OSBPL3: variants seen among roughly 807,000 people sequenced by gnomAD.
The protein encoded by OSBPL3 is oxysterol-binding protein-related protein 3.
Under a neutral mutation model 120.1 loss-of-function variants are expected in OSBPL3, and 65 were observed. The observed-to-expected ratio is 0.54, with a 90% CI of 0.44 to 0.67. The LOEUF (loss-of-function observed/expected upper bound fraction) is 0.67. Ranked by LOEUF, OSBPL3 falls within the 30% of genes least tolerant of loss-of-function variation. OSBPL3 has a pLI of 0.00. For synonymous variants in OSBPL3, 416 were observed against 402.6 expected (o/e 1.03, Z -0.40); for missense variants, 1,004 against 1,082.1 (o/e 0.93, Z 1.01).
chr7:24,877,216 T>C lies in OSBPL3; in HGVS notation c.97-5147A>G, dbSNP rs1382783439. On this transcript the variant is annotated intron_variant, in intron 2 of 22. Coordinates refer to ENST00000313367, the MANE Select transcript of OSBPL3 (RefSeq NM_015550.4). This position sits in a 1 kb window ranked among gnomAD's most constrained non-coding sequence, Gnocchi z 4.8. The stretch of plus-strand genomic sequence containing the variant: ...GAGTAAATCCCATTGGGTAGAGGAA[T>C]AGTGGTGGGCCAAGACCTTGAGACA... Among the ~76,000 whole-genome samples, 2 of 152,148 alleles carry C rather than the reference T, an allele frequency of 1.3e-5. No individual in the cohort carries two copies. The highest frequency in any genetic ancestry group is 4.8e-5 in the African/African-American group (2 of 41,436).
rs1399373626 is a variant in OSBPL3 at position 24,849,531 on chromosome 7, CTT to C, written c.1159-357_1159-356del. Among the ~76,000 whole-genome samples the C allele has an allele frequency of 6.6e-6, 1 of 152,208 alleles. No individual in the cohort carries two copies. The highest frequency in any genetic ancestry group is 1.5e-5 in the Non-Finnish European group (1 of 68,030). On this transcript the variant is annotated intron_variant, in intron 11 of 22. Transcript: ENST00000313367. The surrounding 1 kb of genome is among the most constrained non-coding windows in gnomAD (Gnocchi z 5.4). ...CCTCCTCCCCAACTGTCTGGAGTCTCTTTGGCCAAATCCCTTCCTAAGGAATC... is the reference window on the plus strand; with the variant it reads ...CCTCCTCCCCAACTGTCTGGAGTCTCTGGCCAAATCCCTTCCTAAGGAATC...
chr7:24,818,205 T>G lies in OSBPL3; in HGVS notation c.1949-1517A>C, dbSNP rs574773057. On this transcript the variant is annotated intron_variant, in intron 17 of 22. Transcript: ENST00000313367. The surrounding 1 kb of genome is among the most constrained non-coding windows in gnomAD (Gnocchi z 4.0). ...CTAAAGAGGATTCTTTTTGGAGTGA[T>G]GAAAATGTTCTAAAATTAACTGTGC... is the stretch of plus-strand genomic sequence containing the variant. 1.7e-4 allele frequency among the ~76,000 whole-genome samples: 26 copies of G among 152,338 alleles called. No homozygotes were observed. The East Asian group carries it at 4.8e-3, about 28-fold the overall frequency.
intron 12 of OSBPL3, among the ~76,000 whole-genome samples, chr7:24,848,808 G>A (rs926626658): frequency 2.6e-5 from 4 of 152,216 alleles, no homozygotes; most frequent in Admixed American, 1.3e-4. Context: ...TGACATTTAG[G>A]AGCGAAACAG....
At chr7:24,840,443 T>C (rs1797604154) in intron 14 of OSBPL3, among the ~76,000 whole-genome samples, 1 of 152,160 alleles carries the variant, frequency 6.6e-6, no homozygotes, top group Non-Finnish European at 1.5e-5. Flanking sequence ...ATTTTTTTAA[T>C]AAAATTTTCT....
chr7:24,957,843 T>G (rs138900348), intron 1 of OSBPL3, among the ~76,000 whole-genome samples: 2 of 152,326 alleles, frequency 1.3e-5, no homozygotes, highest in Admixed American at 1.3e-4. Context: ...ATTCTGTACT[T>G]GTTTTATCAG....
chr7:24,912,551 T>A lies in OSBPL3; in HGVS notation c.-149-19930A>T, dbSNP rs1309680027. ...TATGCAAAAGGCAACTCTCCCATCC[T>A]CACACCCAAAGACAGAACAGCCCCA... On this transcript the variant is annotated intron_variant, in intron 1 of 22. Transcript: ENST00000313367. The surrounding 1 kb of genome is among the most constrained non-coding windows in gnomAD (Gnocchi z 4.5). 6.6e-6 allele frequency among the ~76,000 whole-genome samples: 1 copy of A among 152,132 alleles called. No individual in the cohort carries two copies. The highest frequency in any genetic ancestry group is 1.5e-5 in the Non-Finnish European group (1 of 68,026).
intron 2 of OSBPL3, among the ~76,000 whole-genome samples, chr7:24,874,070 T>G (rs547349796): frequency 1.3e-5 from 2 of 151,586 alleles, no homozygotes; most frequent in African/African-American, 4.9e-5. Flanking sequence ...GTGCTGTGAA[T>G]AGTATGCATC....
At chr7:24,811,391 CTCTAT>C (rs1301853823) in intron 19 of OSBPL3, among the ~76,000 whole-genome samples, 3 of 152,076 alleles carry the variant, frequency 2.0e-5, no homozygotes, top group Non-Finnish European at 4.4e-5. Flanking sequence ...CTATTGAACT[CTCTAT>C]TCATTTTTTA....
At chr7:24,885,227 CAA>C (rs59823834) in intron 2 of OSBPL3, among the ~76,000 whole-genome samples, 151 of 112,136 alleles carry the variant, frequency 1.3e-3, no homozygotes, top group African/African-American at 3.8e-3. Context: ...GTCTCAAAAA[CAA>C]AAAAAAAAAA....
In OSBPL3 at chr7:24,798,488, C is replaced by T. The variant is rs1396534162; in HGVS notation, c.*1695G>A. 6.6e-6 allele frequency: 1 copy of T among 152,212 alleles called. No individual in the cohort carries two copies. Among genetic ancestry groups the T allele is most frequent in the East Asian group, 1.9e-4 (1 of 5,200 alleles). 9.4% of individuals were successfully genotyped at this position (152,212 alleles called of 1,614,324 possible). A position where few individuals can be genotyped will look rare whatever the true frequency, so the allele number is the denominator to read the frequency against. ...CAAAGAATCTGACTGTGTCATTCAACTGCTTAGAAATGGAAATGATATTCA... is the reference window on the plus strand; with the variant it reads ...CAAAGAATCTGACTGTGTCATTCAATTGCTTAGAAATGGAAATGATATTCA... On this transcript the variant is annotated 3_prime_UTR_variant, in exon 23 of 23. Transcript: ENST00000313367. The surrounding 1 kb of genome is among the most constrained non-coding windows in gnomAD (Gnocchi z 4.6).
rs138088641 is a variant in OSBPL3, at chr7:24,971,491, A to G, written c.-150+8395T>C. ...CTGGCCATGACACATCTCGCAGCAG[A>G]CTCTCCATGACCCTCCCACACCCAG... On this transcript the variant is annotated intron_variant, in intron 1 of 22. Coordinates refer to ENST00000313367, the MANE Select transcript of OSBPL3 (RefSeq NM_015550.4). Among the ~76,000 whole-genome samples, 12 of 152,144 alleles carry G rather than the reference A, an allele frequency of 7.9e-5. No homozygotes were observed. The East Asian group carries it at 2.1e-3, about 27-fold the overall frequency.
chr7:24,970,058 C>A (rs1474355615), intron 1 of OSBPL3, among the ~76,000 whole-genome samples: 1 of 151,776 alleles, frequency 6.6e-6, no homozygotes, highest in African/African-American at 2.4e-5. Flanking sequence ...AGCTAACCTA[C>A]CACTTCTGCC....
chr7:24,950,563 A>C (rs1414133731), intron 1 of OSBPL3, among the ~76,000 whole-genome samples: 1 of 152,204 alleles, frequency 6.6e-6, no homozygotes, highest in East Asian at 1.9e-4. Flanking sequence ...TCTACTAAAA[A>C]TACAAAAAAT....
Position 24,900,516 on chromosome 7 carries a change from T to C in OSBPL3, c.-149-7895A>G, listed in dbSNP as rs1431721417. Reference sequence around the variant, plus strand: ...AGTGTACATTTGTCAGGGATTAGAGTAGACCCTGAGTTCTTTTCTGGGAAA... The same window carrying C: ...AGTGTACATTTGTCAGGGATTAGAGCAGACCCTGAGTTCTTTTCTGGGAAA... On this transcript the variant is annotated intron_variant, in intron 1 of 22. Transcript: ENST00000313367. The surrounding 1 kb of genome is among the most constrained non-coding windows in gnomAD (Gnocchi z 4.5). Among the ~76,000 whole-genome samples the C allele has an allele frequency of 3.9e-5, 6 of 152,098 alleles. No homozygotes were observed.
At position 24,891,740 on chromosome 7, in the gene OSBPL3, T is replaced by G. The variant is rs1290276031; in HGVS notation, c.96+637A>C. ...CAATATATAATTACTCAACAGTTAT[T>G]TAGGAGTTAATTATTCATTCCTTTG... On this transcript the variant is annotated intron_variant, in intron 2 of 22. Transcript: ENST00000313367. The surrounding 1 kb of genome is among the most constrained non-coding windows in gnomAD (Gnocchi z 4.1). Among the ~76,000 whole-genome samples the G allele has an allele frequency of 6.6e-6, 1 of 152,208 alleles. No homozygotes were observed. Among genetic ancestry groups the G allele is most frequent in the Non-Finnish European group, 1.5e-5 (1 of 68,036 alleles).
In OSBPL3 at chr7:24,809,911, G is replaced by C. The variant is rs772848686; in HGVS notation, c.2213C>G (p.Thr738Arg). The C allele has an allele frequency of 2.5e-6, 4 of 1,614,064 alleles. No individual in the cohort carries two copies. The South Asian group carries it at 4.4e-5, about 18-fold the overall frequency. ...CGCTTTTCCACTCCTGTCAAACACT[G>C]TGCCTTCAATCTCATGGGCATTAGT... Reference protein sequence around the residue: ...WSTNAHEIEGTVFDRSGKAVH... With the variant: ...WSTNAHEIEGRVFDRSGKAVH... Residue 738 changes from threonine (T) to arginine (R), a missense_variant, in exon 20 of 23, where the codon ACA becomes AGA. Thr to Arg is a moderately conservative substitution (Grantham distance 71). Transcript: ENST00000313367.
chr7:24,902,771 G>A (rs1182537454), intron 1 of OSBPL3, among the ~76,000 whole-genome samples: 1 of 151,122 alleles, frequency 6.6e-6, no homozygotes, highest in Non-Finnish European at 1.5e-5. Context: ...CTAAACGACT[G>A]GCTTATTCTT....
intron 1 of OSBPL3, among the ~76,000 whole-genome samples, chr7:24,941,064 C>A (rs1200685115): frequency 2.6e-5 from 4 of 152,190 alleles, no homozygotes; most frequent in African/African-American, 9.7e-5. Context: ...TGTGATCCAC[C>A]TGCCTTGGCC....
intron 1 of OSBPL3, among the ~76,000 whole-genome samples, chr7:24,973,513 G>C (rs1051682154): frequency 6.6e-6 from 1 of 152,116 alleles, no homozygotes; most frequent in Non-Finnish European, 1.5e-5. Flanking sequence ...TACAAACAAT[G>C]TGGCTAAGAA....
Sources: gnomAD v4.1 joint callset for allele counts (sites outside exome capture counted in the v4.1 genomes callset) on GRCh38, gnomAD v4.1.1 for gene constraint, Gnocchi (gnomAD v3.1) non-coding constraint, MANE v1.5 for transcripts, NCBI Gene and HGNC (gene_info 2026-07-23, HGNC 2026-07-21) for gene names.